Variants in NKAIN2 observed in about 807,000 individuals in gnomAD.
The protein encoded by NKAIN2 is sodium/potassium-transporting ATPase subunit beta-1-interacting protein 2.
In NKAIN2, 14 loss-of-function variants were observed where a neutral mutation model predicts 32.6. That is an observed-to-expected ratio of 0.43 (90% confidence interval 0.28 to 0.67). The LOEUF is 0.67. NKAIN2 is among the 30% of genes least tolerant of loss of function. The pLI is 0.17. For synonymous variants in NKAIN2, 80 were observed against 87.2 expected (o/e 0.92, Z 0.46); for missense variants, 198 against 258.3 (o/e 0.77, Z 1.60).
chr6:124,755,685 G>A (rs984771695), intron 4 of NKAIN2, among the ~76,000 whole-genome samples: 3 of 152,058 alleles, frequency 2.0e-5, no homozygotes, highest in Non-Finnish European at 2.9e-5. Flanking sequence ...ACACAGAGGG[G>A]AACAACACAC....
intron 1 of NKAIN2, among the ~76,000 whole-genome samples, chr6:123,845,428 C>T (rs1328056393): frequency 6.6e-6 from 1 of 152,154 alleles, no homozygotes; most frequent in African/African-American, 2.4e-5. Flanking sequence ...ACAATTTTTG[C>T]TCATGTGATG....
chr6:124,058,316 C>A (rs1782763471), intron 1 of NKAIN2, among the ~76,000 whole-genome samples: 1 of 149,254 alleles, frequency 6.7e-6, no homozygotes, highest in African/African-American at 2.5e-5. Context: ...GAAAGAAAGG[C>A]TAAAAATATA....
At chr6:124,774,808 AT>A (rs1316975120) in intron 4 of NKAIN2, among the ~76,000 whole-genome samples, 1 of 150,448 alleles carries the variant, frequency 6.6e-6, no homozygotes, top group East Asian at 2.0e-4. Flanking sequence ...GTGAGCCAAG[AT>A]CACACCATTG....
rs190965895 is a variant in NKAIN2, at chr6:124,236,631, G to A, written c.55-46374G>A. Reference sequence around the variant, plus strand: ...TTTCCCAAATCTGAATGCTCAGAGTGATCATCTGGAAAGCTTATTAAATAT... The same window carrying A: ...TTTCCCAAATCTGAATGCTCAGAGTAATCATCTGGAAAGCTTATTAAATAT... On this transcript the variant is annotated intron_variant, in intron 1 of 6. Coordinates refer to ENST00000368417, the MANE Select transcript of NKAIN2 (RefSeq NM_001040214.3). Among the ~76,000 whole-genome samples the A allele has an allele frequency of 1.0e-3, 158 of 152,256 alleles. 1 individual carries two copies. Among genetic ancestry groups the A allele is most frequent in the African/African-American group, 3.7e-3 (153 of 41,554 alleles).
At chr6:123,975,867 T>C (rs1361382768) in intron 1 of NKAIN2, among the ~76,000 whole-genome samples, 5 of 151,982 alleles carry the variant, frequency 3.3e-5, no homozygotes, top group African/African-American at 1.2e-4. Flanking sequence ...ATGGTTAGGC[T>C]GTATCCCCAC....
chr6:124,790,330 C>A (rs1440698680), intron 4 of NKAIN2, among the ~76,000 whole-genome samples: 1 of 152,146 alleles, frequency 6.6e-6, no homozygotes, highest in East Asian at 1.9e-4. Context: ...TTAGGCTTGT[C>A]GTGGCGGTTC....
intron 1 of NKAIN2, among the ~76,000 whole-genome samples, chr6:124,039,924 T>A (rs1041544145): frequency 3.9e-5 from 6 of 151,978 alleles, no homozygotes; most frequent in Admixed American, 3.3e-4. Context: ...TCACAAAGCA[T>A]GCTTCTAGCT....
At chr6:124,640,289 A>T (rs1426658283) in intron 3 of NKAIN2, among the ~76,000 whole-genome samples, 1 of 152,162 alleles carries the variant, frequency 6.6e-6, no homozygotes, top group Non-Finnish European at 1.5e-5. Context: ...AATGTCTCTA[A>T]GCCTTCAATA....
intron 4 of NKAIN2, among the ~76,000 whole-genome samples, chr6:124,779,239 AACAAAGAAAG>A (rs1779126725): frequency 1.3e-5 from 1 of 77,978 alleles, no homozygotes; most frequent in African/African-American, 5.8e-5. Context: ...GCCAGACTCC[AACAAAGAAAG>A]AGAGAGAGAG....
chr6:124,075,706 C>T (rs1474087967), intron 1 of NKAIN2, among the ~76,000 whole-genome samples: 1 of 152,136 alleles, frequency 6.6e-6, no homozygotes, highest in Non-Finnish European at 1.5e-5. Context: ...AGCTCTTCTC[C>T]TGCCTCAGCC....
At chr6:124,703,718 C>CT (rs769380196) in intron 4 of NKAIN2, among the ~76,000 whole-genome samples, 2 of 151,930 alleles carry the variant, frequency 1.3e-5, no homozygotes, top group Admixed American at 6.6e-5. Flanking sequence ...CGTGCTGGCT[C>CT]TGACATATCT....
intron 1 of NKAIN2, among the ~76,000 whole-genome samples, chr6:123,994,407 G>A (rs1779533047): frequency 6.6e-6 from 1 of 152,070 alleles, no homozygotes; most frequent in Admixed American, 6.6e-5. Context: ...ACACATTTCT[G>A]TGCCCTTTCC....
intron 3 of NKAIN2, among the ~76,000 whole-genome samples, chr6:124,496,329 AC>A (rs1778062707): frequency 6.6e-6 from 1 of 152,096 alleles, no homozygotes; most frequent in Non-Finnish European, 1.5e-5. Flanking sequence ...AGTATGGATA[AC>A]CTTTTTTTAA....
intron 3 of NKAIN2, chr6:124,490,291 A>G (rs575310398): frequency 2.2e-5 from 9 of 401,570 alleles, no homozygotes; most frequent in African/African-American, 1.5e-4. Context: ...GAATGTCAGG[A>G]TGTCATCACC....
intron 4 of NKAIN2, among the ~76,000 whole-genome samples, chr6:124,729,593 G>A (rs974723736): frequency 1.6e-4 from 25 of 151,544 alleles, no homozygotes; most frequent in African/African-American, 5.8e-4. Context: ...CAAAACCACA[G>A]CCAATATCAT....
intron 4 of NKAIN2, among the ~76,000 whole-genome samples, chr6:124,682,196 G>A (rs1341633701): frequency 6.6e-6 from 1 of 151,876 alleles, no homozygotes. Flanking sequence ...AACAGATTTA[G>A]GGGACAAATA....
chr6:124,569,112 A>G (rs1280407201), intron 3 of NKAIN2, among the ~76,000 whole-genome samples: 2 of 152,196 alleles, frequency 1.3e-5, no homozygotes, highest in African/African-American at 4.8e-5. Context: ...TCAAGGTGAC[A>G]AAACGTTTTG....
chr6:124,416,475 A>C (rs1056496544), intron 3 of NKAIN2, among the ~76,000 whole-genome samples: 2 of 152,098 alleles, frequency 1.3e-5, no homozygotes, highest in African/African-American at 4.8e-5. Flanking sequence ...GTCTTTACAA[A>C]AATAAAAATA....
intron 3 of NKAIN2, among the ~76,000 whole-genome samples, chr6:124,477,370 C>T (rs1777261675): frequency 6.6e-6 from 1 of 152,104 alleles, no homozygotes; most frequent in Non-Finnish European, 1.5e-5. Flanking sequence ...GGAGATGGGC[C>T]ATCTGCTCTA....
Sources: gnomAD v4.1 joint callset for allele counts (sites outside exome capture counted in the v4.1 genomes callset) on GRCh38, gnomAD v4.1.1 for gene constraint, MANE v1.5 for transcripts, NCBI Gene and HGNC (gene_info 2026-07-23, HGNC 2026-07-21) for gene names.